Variants in KAT14 observed in about 807,000 individuals in gnomAD.
The protein encoded by KAT14 is cysteine-rich protein 2-binding protein.
In KAT14, 66 loss-of-function variants were observed where a neutral mutation model predicts 78.4. That is an observed-to-expected ratio of 0.84 (90% CI 0.69 to 1.03). The LOEUF (loss-of-function observed/expected upper bound fraction) is 1.03, where lower values mean the gene tolerates loss of function less well. Ranked by LOEUF, KAT14 falls within the 50% of genes least tolerant of loss-of-function variation. The pLI is 0.00. For missense variants in KAT14, 870 were observed against 972.5 expected, an observed-to-expected ratio of 0.89 and a Z score of 1.40; for synonymous variants, 344 against 359.4, an observed-to-expected ratio of 0.96 and a Z score of 0.48.
In KAT14 at chr20:18,142,219, C is replaced by T. The variant is rs778627140; in HGVS notation, c.-442C>T. On this transcript the variant is annotated 5_prime_UTR_variant, in exon 2 of 11. It adds an upstream start codon to the 5' untranslated region. Transcript: ENST00000688188. ...TCTTACGTTTTTAGAGGCTTCGTGACGGAGTTATCAGAGACATTGAGAGGC... is the reference window on the plus strand; with the variant it reads ...TCTTACGTTTTTAGAGGCTTCGTGATGGAGTTATCAGAGACATTGAGAGGC... 45 of 1,536,648 alleles carry T rather than the reference C, an allele frequency of 2.9e-5. No homozygotes were observed. The Admixed American group carries it at 4.1e-4, about 14-fold the overall frequency.
intron 7 of KAT14, among the ~76,000 whole-genome samples, chr20:18,169,160 T>C (rs1392484923): frequency 6.6e-6 from 1 of 152,198 alleles, no homozygotes; most frequent in Non-Finnish European, 1.5e-5. Flanking sequence ...TCTTTTTGAT[T>C]CATTTTCAGA....
intron 9 of KAT14, 114 bp from the exon 10 acceptor site, chr20:18,184,488 T>G (rs2039382465): frequency 1.5e-5 from 11 of 732,290 alleles, no homozygotes; most frequent in South Asian, 1.4e-4. Context: ...TTTTGGTGTT[T>G]TTTTTTTTTT....
intron 8 of KAT14, among the ~76,000 whole-genome samples, chr20:18,182,266 C>T (rs1405615374): frequency 6.6e-6 from 1 of 151,970 alleles, no homozygotes; most frequent in Non-Finnish European, 1.5e-5. Flanking sequence ...GGATTATAGG[C>T]ATGCACCACC....
rs575835791 is a variant in KAT14, at chr20:18,168,542, T to G, written c.1668+5597T>G. Among the ~76,000 whole-genome samples the G allele has an allele frequency of 3.8e-3, 579 of 152,216 alleles. 1 individual carries two copies. Among genetic ancestry groups the G allele is most frequent in the African/African-American group, 0.013 (549 of 41,544 alleles). On this transcript the variant is annotated intron_variant, in intron 7 of 10. Transcript: ENST00000688188. ...GACTCTCTCTCAAAAAAAAAAAATT[T>G]TTTTTGTTTCTTATCAATTAAGTGG...
At chr20:18,145,994 T>G (rs2037812680) in intron 3 of KAT14, among the ~76,000 whole-genome samples, 1 of 152,208 alleles carries the variant, frequency 6.6e-6, no homozygotes, top group Non-Finnish European at 1.5e-5. Flanking sequence ...GGAAGGTGAC[T>G]GATTGCAAAA....
At position 18,175,950 on chromosome 20, in the gene KAT14, G is replaced by GT. The variant is rs1425256408; in HGVS notation, c.1669-5759dup. Among the ~76,000 whole-genome samples the GT allele has an allele frequency of 1.2e-4, 18 of 149,794 alleles. No homozygotes were observed. In the South Asian group the frequency reaches 1.5e-3, roughly 12 times the overall value. On this transcript the variant is annotated intron_variant, in intron 7 of 10. Transcript: ENST00000688188. Reference sequence around the variant, plus strand: ...CTTGAGCTAGGAGGTCAAGGCTGTAGTGAGCCATGATCATGCCACTGCACT... The same window carrying GT: ...CTTGAGCTAGGAGGTCAAGGCTGTAGTTGAGCCATGATCATGCCACTGCACT...
Position 18,154,398 on chromosome 20 carries a change from C to T in KAT14, c.500+3456C>T, listed in dbSNP as rs545787274. Reference sequence around the variant, plus strand: ...CGTGATCTCGGCTCACTGCAACCTCCGCCTCCCAGGTTCAAGCAATTCTCC... The same window carrying T: ...CGTGATCTCGGCTCACTGCAACCTCTGCCTCCCAGGTTCAAGCAATTCTCC... On this transcript the variant is annotated intron_variant, in intron 4 of 10. Coordinates refer to ENST00000688188, the MANE Select transcript of KAT14 (RefSeq NM_001392073.1). Among the ~76,000 whole-genome samples the T allele has an allele frequency of 4.6e-5, 7 of 152,196 alleles. No homozygotes were observed. The South Asian group carries it at 1.2e-3, about 27-fold the overall frequency.
At chr20:18,187,167 A>G in intron 10 of KAT14, 119 bp from the exon 11 acceptor site, 1 of 1,314,000 alleles carries the variant, frequency 7.6e-7, no homozygotes, top group Non-Finnish European at 1.0e-6. Context: ...TCTCAGCCTC[A>G]GTCTCTGATT....
At chr20:18,160,311 A>G (rs2038373386) in intron 5 of KAT14, among the ~76,000 whole-genome samples, 1 of 152,238 alleles carries the variant, frequency 6.6e-6, no homozygotes, top group African/African-American at 2.4e-5. Context: ...TTCACTTCCC[A>G]GAGTAACCAC....
intron 2 of KAT14, among the ~76,000 whole-genome samples, chr20:18,143,632 A>ATT (rs74179176): frequency 8.1e-6 from 1 of 123,052 alleles, no homozygotes; most frequent in Admixed American, 8.6e-5. Context: ...TTTTTATTTT[A>ATT]TTTTTTTTTT....
Position 18,184,607 on chromosome 20 carries a change from G to A in KAT14, c.1987G>A (p.Asp663Asn). 1 of 1,603,520 alleles carries A rather than the reference G, an allele frequency of 6.2e-7. No individual in the cohort carries two copies. Among genetic ancestry groups the A allele is most frequent in the Non-Finnish European group, 8.5e-7 (1 of 1,176,906 alleles). Residue 663 changes from aspartate (D) to asparagine (N), a missense_variant, in exon 10 of 11, where the codon GAC becomes AAC. By Grantham distance (23) the Asp-to-Asn change is conservative (BLOSUM62 1). Transcript: ENST00000688188. The part of the protein sequence containing the change: ...MCQEFFWPGI[D>N]LSECLQYPDF... ...CGATGGTTTCTTTTCTTTAGGCATT[G>A]ACCTGTCTGAGTGTCTGCAGTACCC...
chr20:18,185,290 GCCTCAA>G (rs1172864237), intron 10 of KAT14, among the ~76,000 whole-genome samples: 1 of 152,100 alleles, frequency 6.6e-6, no homozygotes, highest in Middle Eastern at 3.2e-3. Flanking sequence ...GCTCACTGCA[GCCTCAA>G]CCTCCTGGGC....
chr20:18,172,342 C>T (rs562650932), intron 7 of KAT14, among the ~76,000 whole-genome samples: 7 of 151,790 alleles, frequency 4.6e-5, no homozygotes, highest in Admixed American at 3.3e-4. Context: ...CCTCGTGATC[C>T]GCCCGCCTCG....
intron 7 of KAT14, among the ~76,000 whole-genome samples, chr20:18,163,520 A>T (rs577767321): frequency 7.9e-5 from 12 of 152,336 alleles, no homozygotes; most frequent in Admixed American, 7.8e-4. Flanking sequence ...CTTTGCTAGC[A>T]CTTGACACTA....
chr20:18,142,315 AAG>A lies in KAT14; in HGVS notation c.-340_-339del. Reference sequence around the variant, plus strand: ...TTTTGACTGAGCAACTTGAAGCAGAAAGAGAGAAGATGTTATTGGCAAAAGGA... The same window carrying A: ...TTTTGACTGAGCAACTTGAAGCAGAAAGAGAAGATGTTATTGGCAAAAGGA... On this transcript the variant is annotated 5_prime_UTR_variant, in exon 2 of 11. It removes the in-frame stop codon of an upstream open reading frame in the 5' UTR. Transcript: ENST00000688188. 1 of 1,537,058 alleles carries A rather than the reference AAG, an allele frequency of 6.5e-7. No homozygotes were observed. The highest frequency in any genetic ancestry group is 8.7e-7 in the Non-Finnish European group (1 of 1,146,832).
chr20:18,175,522 C>T (rs2039007071), intron 7 of KAT14, among the ~76,000 whole-genome samples: 1 of 152,144 alleles, frequency 6.6e-6, no homozygotes, highest in Non-Finnish European at 1.5e-5. Context: ...GGCTTTCTCC[C>T]AGCCTTGTGT....
intron 3 of KAT14, 31 bp downstream of exon 3, chr20:18,145,382 A>C (rs763755640): frequency 6.2e-7 from 1 of 1,612,356 alleles, no homozygotes; most frequent in Non-Finnish European, 8.5e-7. Flanking sequence ...CAAATCCATG[A>C]GGGTGGTTCC....
chr20:18,177,842 G>A (rs1292860795), intron 7 of KAT14, among the ~76,000 whole-genome samples: 2 of 152,122 alleles, frequency 1.3e-5, no homozygotes, highest in Non-Finnish European at 2.9e-5. Flanking sequence ...GCCCTGGAGC[G>A]GCAGTCATTG....
At chr20:18,166,432 T>G (rs1329573654) in intron 7 of KAT14, among the ~76,000 whole-genome samples, 1 of 152,222 alleles carries the variant, frequency 6.6e-6, no homozygotes, top group Non-Finnish European at 1.5e-5. Context: ...GGCTGGAACG[T>G]GCCTGTGAGC....
Sources: gnomAD v4.1 joint callset for allele counts (sites outside exome capture counted in the v4.1 genomes callset) on GRCh38, gnomAD v4.1.1 for gene constraint, MANE v1.5 for transcripts, NCBI Gene and HGNC (gene_info 2026-07-23, HGNC 2026-07-21) for gene names.